The following LRRN1 variants were observed in gnomAD, a reference collection of about 807,000 sequenced individuals.
The protein encoded by LRRN1 is leucine-rich repeat neuronal protein 1.
LRRN1 carries 14 observed loss-of-function variants against 45.8 expected under a neutral mutation model. The ratio of observed to expected loss-of-function variants is 0.31; its 90% CI spans 0.20 to 0.48. The LOEUF (loss-of-function observed/expected upper bound fraction) is 0.48. Ranked by LOEUF, LRRN1 falls within the 20% of genes least tolerant of loss-of-function variation. The probability of loss-of-function intolerance (pLI) is 0.99; values close to 1 mark genes in which losing one functional copy is unlikely to be tolerated. For missense variants in LRRN1, 789 were observed against 874.2 expected, an observed-to-expected ratio of 0.90 and a Z score of 1.23; for synonymous variants, 359 against 330.1, an observed-to-expected ratio of 1.09 and a Z score of -0.95.
chr3:3,822,070 A>G (rs1453237521), intron 1 of LRRN1, among the ~76,000 whole-genome samples: 1 of 152,230 alleles, frequency 6.6e-6, no homozygotes, highest in Non-Finnish European at 1.5e-5. Flanking sequence ...CTGGATTCAC[A>G]TAGAACCTCA....
chr3:3,801,547 CA>C (rs1375438193), intron 1 of LRRN1, among the ~76,000 whole-genome samples: 1 of 152,142 alleles, frequency 6.6e-6, no homozygotes, highest in Non-Finnish European at 1.5e-5. Flanking sequence ...GATTTGCATG[CA>C]AATGTGAGCG....
intron 1 of LRRN1, among the ~76,000 whole-genome samples, chr3:3,842,813 C>A (rs898925366): frequency 6.6e-6 from 1 of 152,116 alleles, no homozygotes; most frequent in Non-Finnish European, 1.5e-5. Flanking sequence ...TTTGGGAAAG[C>A]AAGACAAACA....
chr3:3,839,079 G>T (rs1693588848), intron 1 of LRRN1, among the ~76,000 whole-genome samples: 2 of 152,016 alleles, frequency 1.3e-5, no homozygotes, highest in South Asian at 4.1e-4. Context: ...AGAAACCATT[G>T]CCAAATACCC....
At chr3:3,800,548 CCTCA>C (rs1692626394) in intron 1 of LRRN1, among the ~76,000 whole-genome samples, 1 of 151,816 alleles carries the variant, frequency 6.6e-6, no homozygotes, top group African/African-American at 2.4e-5. Flanking sequence ...CGGGGACAGA[CCTCA>C]GCCCGTGAGC....
chr3:3,832,886 T>A (rs1693400814), intron 1 of LRRN1, among the ~76,000 whole-genome samples: 1 of 152,222 alleles, frequency 6.6e-6, no homozygotes, highest in Admixed American at 6.5e-5. Context: ...CGTGATTAAT[T>A]AGCCAATGGC....
intron 1 of LRRN1, among the ~76,000 whole-genome samples, chr3:3,819,327 C>A (rs1405324354): frequency 6.6e-6 from 1 of 152,130 alleles, no homozygotes; most frequent in Non-Finnish European, 1.5e-5. Context: ...CTTTAGTTTA[C>A]TAGGGCTGCC....
chr3:3,828,316 G>A (rs999093090), intron 1 of LRRN1, among the ~76,000 whole-genome samples: 1 of 152,030 alleles, frequency 6.6e-6, no homozygotes, highest in Admixed American at 6.6e-5. Flanking sequence ...TTCCAGGGCA[G>A]GAAGCATCCA....
intron 1 of LRRN1, among the ~76,000 whole-genome samples, chr3:3,809,344 A>G (rs984257960): frequency 1.3e-5 from 2 of 152,128 alleles, no homozygotes; most frequent in Admixed American, 1.3e-4. Context: ...GGGTTTCACC[A>G]TGTTAACCAG....
At chr3:3,812,075 G>A (rs1195808926) in intron 1 of LRRN1, among the ~76,000 whole-genome samples, 3 of 152,222 alleles carry the variant, frequency 2.0e-5, no homozygotes, top group African/African-American at 7.2e-5. Flanking sequence ...CTTAGAACAT[G>A]ACAGTCATTC....
chr3:3,840,605 T>C (rs1173744381), intron 1 of LRRN1, among the ~76,000 whole-genome samples: 1 of 152,202 alleles, frequency 6.6e-6, no homozygotes, highest in African/African-American at 2.4e-5. Flanking sequence ...AAACATCTCC[T>C]TTTTTATTAA....
chr3:3,824,011 C>A (rs1245960833), intron 1 of LRRN1, among the ~76,000 whole-genome samples: 1 of 152,130 alleles, frequency 6.6e-6, no homozygotes, highest in Non-Finnish European at 1.5e-5. Flanking sequence ...GACTCAGGTC[C>A]CCTAACTCTT....
At chr3:3,829,158 A>G (rs939064939) in intron 1 of LRRN1, among the ~76,000 whole-genome samples, 4 of 150,734 alleles carry the variant, frequency 2.7e-5, no homozygotes, top group African/African-American at 7.3e-5. Flanking sequence ...TTCCATGCAT[A>G]CTCTCCCTTA....
rs893285733 is a variant in LRRN1, at chr3:3,816,068, A to G, written c.-279+16149A>G. On this transcript the variant is annotated intron_variant, in intron 1 of 1. Coordinates refer to ENST00000319331, the MANE Select transcript of LRRN1 (RefSeq NM_020873.7). The surrounding 1 kb of genome is among the most constrained non-coding windows in gnomAD (Gnocchi z 4.0). The stretch of plus-strand genomic sequence containing the variant: ...TTGTATTTTAATGGTTATGAAGGAC[A>G]ATATGGATATTCAACTAAAATTATT... 4.6e-5 allele frequency among the ~76,000 whole-genome samples: 7 copies of G among 151,410 alleles called. No homozygotes were observed. Among genetic ancestry groups the G allele is most frequent in the East Asian group, 3.9e-4 (2 of 5,182 alleles).
chr3:3,843,569 A>G (rs1867431), intron 1 of LRRN1, among the ~76,000 whole-genome samples: 44,807 of 148,420 alleles, frequency 0.3, 8,036 homozygotes, highest in East Asian at 0.5. Context: ...TTCCCACTGT[A>G]CCCCCCCCCA....
chr3:3,805,106 G>C (rs1195384776), intron 1 of LRRN1, among the ~76,000 whole-genome samples: 1 of 152,140 alleles, frequency 6.6e-6, no homozygotes, highest in Non-Finnish European at 1.5e-5. Flanking sequence ...TATTAGCATA[G>C]TCATTTTCAA....
rs1693773592 is a variant in LRRN1, at chr3:3,846,236, A to G, written c.1595A>G (p.Lys532Arg). ...DGTQVLKIYV[K>R]QTESHSILVS... The stretch of plus-strand genomic sequence containing the variant: ...ACCCAGGTGCTAAAAATATACGTCA[A>G]GCAGACAGAATCCCATTCCATCTTA... Residue 532 changes from lysine to arginine, a missense_variant, in exon 2 of 2, where the codon AAG becomes AGG. Transcript: ENST00000319331. This position sits in a 1 kb window ranked among gnomAD's most constrained non-coding sequence, Gnocchi z 5.7. The G allele has an allele frequency of 2.5e-6, 4 of 1,614,012 alleles. No homozygotes were observed. Among genetic ancestry groups the G allele is most frequent in the African/African-American group, 1.3e-5 (1 of 74,938 alleles).
intron 1 of LRRN1, among the ~76,000 whole-genome samples, chr3:3,823,094 G>T (rs1308685323): frequency 6.6e-6 from 1 of 152,150 alleles, no homozygotes; most frequent in Non-Finnish European, 1.5e-5. Context: ...ACTGTGATTG[G>T]AGGGGCTCAA....
intron 1 of LRRN1, among the ~76,000 whole-genome samples, chr3:3,802,271 A>G (rs988438611): frequency 6.6e-6 from 1 of 152,208 alleles, no homozygotes; most frequent in East Asian, 1.9e-4. Context: ...CAGCTGAACA[A>G]AAGGCAGGCA....
At chr3:3,843,108 A>G (rs569773998) in intron 1 of LRRN1, among the ~76,000 whole-genome samples, 1 of 152,342 alleles carries the variant, frequency 6.6e-6, no homozygotes, top group East Asian at 1.9e-4. Context: ...CAGCTACTAC[A>G]CTAAGAACTT....
Sources: gnomAD v4.1 joint callset for allele counts (sites outside exome capture counted in the v4.1 genomes callset) on GRCh38, gnomAD v4.1.1 for gene constraint, Gnocchi (gnomAD v3.1) non-coding constraint, MANE v1.5 for transcripts, NCBI Gene and HGNC (gene_info 2026-07-23, HGNC 2026-07-21) for gene names.